PTPRD: variants seen among roughly 807,000 people sequenced by gnomAD.
The protein encoded by PTPRD is receptor-type tyrosine-protein phosphatase delta.
In PTPRD, 34 loss-of-function variants were observed where a neutral mutation model predicts 214.5. That is an observed-to-expected ratio of 0.16 (90% CI 0.12 to 0.21). The LOEUF (loss-of-function observed/expected upper bound fraction) is 0.21. Ranked by LOEUF, PTPRD falls within the 10% of genes least tolerant of loss-of-function variation. The probability of loss-of-function intolerance (pLI) is 1.00; values close to 1 mark genes in which losing one functional copy is unlikely to be tolerated. For missense variants in PTPRD, 2,545 were observed against 2,398.7 expected (o/e 1.06, Z -1.27); for synonymous variants, 1,128 against 845.7 (o/e 1.33, Z -5.79).
intron 11 of PTPRD, among the ~76,000 whole-genome samples, chr9:8,889,525 C>T (rs1027854876): frequency 3.3e-5 from 5 of 152,132 alleles, no homozygotes; most frequent in Middle Eastern, 6.8e-3. Flanking sequence ...TGGATAAGTT[C>T]GTTAGTGATG....
chr9:8,666,091 T>G (rs979572332), intron 12 of PTPRD, among the ~76,000 whole-genome samples: 3 of 152,162 alleles, frequency 2.0e-5, no homozygotes, highest in African/African-American at 7.2e-5. Flanking sequence ...TATCAGCATT[T>G]ACAGCTTTGT....
intron 10 of PTPRD, among the ~76,000 whole-genome samples, chr9:9,051,824 T>C (rs2099686272): frequency 6.6e-6 from 1 of 152,170 alleles, no homozygotes; most frequent in Non-Finnish European, 1.5e-5. Context: ...TAAATCAAAT[T>C]GTTCAGGGAA....
At chr9:8,785,705 G>A (rs1370822305) in intron 11 of PTPRD, among the ~76,000 whole-genome samples, 1 of 152,174 alleles carries the variant, frequency 6.6e-6, no homozygotes, top group Non-Finnish European at 1.5e-5. Flanking sequence ...GCTAAACAAG[G>A]AGTGGTTATG....
At chr9:10,097,280 C>A (rs1005234071) in intron 3 of PTPRD, among the ~76,000 whole-genome samples, 1 of 140,620 alleles carries the variant, frequency 7.1e-6, no homozygotes, top group Non-Finnish European at 1.5e-5. Flanking sequence ...TGAAGAAAGT[C>A]ATTGGTAGCT....
In PTPRD at chr9:9,416,962, A is replaced by C. The variant is rs1333111; in HGVS notation, c.-236-19480T>G. On this transcript the variant is annotated intron_variant, in intron 8 of 45. Coordinates refer to ENST00000381196, the MANE Select transcript of PTPRD (RefSeq NM_002839.4). ...AATATAAATTGTGTCTGCTGCACTC[A>C]TAGTTAATCTGGGTTTCTACTAACA... is the stretch of plus-strand genomic sequence containing the variant. Among the ~76,000 whole-genome samples the C allele has an allele frequency of 1.4e-3, 207 of 152,044 alleles. 2 individuals carry two copies. The highest frequency in any genetic ancestry group is 4.8e-3 in the African/African-American group (199 of 41,458).
At chr9:9,830,748 G>C (rs930623022) in intron 5 of PTPRD, among the ~76,000 whole-genome samples, 2 of 151,874 alleles carry the variant, frequency 1.3e-5, no homozygotes, top group Non-Finnish European at 2.9e-5. Context: ...CACTGATGTG[G>C]TATCAACAGA....
intron 10 of PTPRD, among the ~76,000 whole-genome samples, chr9:9,071,091 T>C (rs534009378): frequency 3.2e-4 from 48 of 152,294 alleles, no homozygotes; most frequent in African/African-American, 1.1e-3. Context: ...TCTTTTAATT[T>C]TTTTGTAGAG....
chr9:9,487,923 A>G (rs908086357), intron 8 of PTPRD, among the ~76,000 whole-genome samples: 3 of 152,194 alleles, frequency 2.0e-5, no homozygotes, highest in Non-Finnish European at 2.9e-5. Flanking sequence ...ATGAATTGAA[A>G]GATAATGAGT....
At chr9:10,450,423 T>C (rs1041388606) in intron 2 of PTPRD, among the ~76,000 whole-genome samples, 1 of 152,016 alleles carries the variant, frequency 6.6e-6, no homozygotes, top group Non-Finnish European at 1.5e-5. Context: ...ATTTGTATTA[T>C]TTAAGGCATG....
At chr9:9,836,292 G>A (rs2056738588) in intron 5 of PTPRD, among the ~76,000 whole-genome samples, 1 of 152,210 alleles carries the variant, frequency 6.6e-6, no homozygotes, top group South Asian at 2.1e-4. Flanking sequence ...CCAGAATGGA[G>A]GAAACTTTTA....
chr9:8,339,645 G>A (rs1850527464), intron 42 of PTPRD, among the ~76,000 whole-genome samples: 1 of 152,048 alleles, frequency 6.6e-6, no homozygotes, highest in African/African-American at 2.4e-5. Context: ...GGCTCTACAA[G>A]TTGGGCTTTA....
intron 3 of PTPRD, among the ~76,000 whole-genome samples, chr9:10,101,986 T>A (rs2098555779): frequency 6.6e-6 from 1 of 151,716 alleles, no homozygotes. Flanking sequence ...GCCATACACA[T>A]CCCACGTTTT....
chr9:9,259,021 G>A (rs576696105), intron 9 of PTPRD, among the ~76,000 whole-genome samples: 4 of 151,840 alleles, frequency 2.6e-5, no homozygotes, highest in African/African-American at 7.2e-5. Flanking sequence ...CATATAGTTT[G>A]AATACTCCCC....
chr9:9,073,836 A>C (rs1278683262), intron 10 of PTPRD, among the ~76,000 whole-genome samples: 1 of 74,132 alleles, frequency 1.3e-5, no homozygotes, highest in Non-Finnish European at 3.6e-5. Flanking sequence ...CTAATTCTCC[A>C]AAATCCATTA....
At chr9:9,845,736 G>A (rs1296806389) in intron 5 of PTPRD, among the ~76,000 whole-genome samples, 1 of 152,156 alleles carries the variant, frequency 6.6e-6, no homozygotes, top group South Asian at 2.1e-4. Flanking sequence ...AATCATATGA[G>A]AGAAAATCTA....
At chr9:9,094,390 A>G (rs75681642) in intron 10 of PTPRD, among the ~76,000 whole-genome samples, 2,334 of 152,286 alleles carry the variant, frequency 0.015, 40 homozygotes, top group East Asian at 0.066. Flanking sequence ...GGAGCTGGAG[A>G]TGATTATTCT....
intron 2 of PTPRD, among the ~76,000 whole-genome samples, chr9:10,382,613 T>C (rs556865104): frequency 6.6e-6 from 1 of 152,034 alleles, no homozygotes; most frequent in South Asian, 2.1e-4. Flanking sequence ...TATTGAACAA[T>C]GTTTGCTTAA....
chr9:9,294,054 A>T (rs887291278), intron 9 of PTPRD, among the ~76,000 whole-genome samples: 3 of 151,640 alleles, frequency 2.0e-5, no homozygotes, highest in Non-Finnish European at 2.9e-5. Context: ...AGTTGACCTG[A>T]TAACTAAGAA....
chr9:9,482,136 G>A (rs555734816), intron 8 of PTPRD, among the ~76,000 whole-genome samples: 2 of 152,098 alleles, frequency 1.3e-5, no homozygotes, highest in African/African-American at 2.4e-5. Flanking sequence ...ACAGGTGGGC[G>A]AGGTTGGGAG....
Sources: allele counts gnomAD v4.1 joint callset (sites outside exome capture counted in the v4.1 genomes callset), GRCh38; gene constraint gnomAD v4.1.1; transcripts MANE v1.5; gene names NCBI Gene and HGNC (gene_info 2026-07-23, HGNC 2026-07-21).